DENND5A: variants seen among roughly 807,000 people sequenced by gnomAD.
DENND5A encodes DENN domain containing 5A.
A neutral mutation model predicts 140.3 loss-of-function variants in DENND5A; 64 were observed. The observed-to-expected ratio is 0.46, with a 90% CI of 0.37 to 0.56. The LOEUF is 0.56. Among genes scored for constraint, DENND5A ranks in the 20% least tolerant of loss-of-function variants. The pLI is 0.00. For missense variants in DENND5A, 1,292 were observed against 1,593.8 expected (o/e 0.81, Z 3.22); for synonymous variants, 605 against 607.7 (o/e 1.00, Z 0.07).
chr11:9,242,219 C>A (rs939559644), intron 1 of DENND5A, among the ~76,000 whole-genome samples: 2 of 152,044 alleles, frequency 1.3e-5, no homozygotes, highest in Non-Finnish European at 2.9e-5. Flanking sequence ...ATTGATGTGT[C>A]TTAAGAACCT....
chr11:9,148,978 AG>A (rs1417645946), intron 15 of DENND5A, among the ~76,000 whole-genome samples: 1 of 152,252 alleles, frequency 6.6e-6, no homozygotes, highest in African/African-American at 2.4e-5. Context: ...CTGTGCAAAG[AG>A]TAAGCGGAGA....
At chr11:9,221,006 C>A (rs1850290987) in intron 1 of DENND5A, among the ~76,000 whole-genome samples, 1 of 150,738 alleles carries the variant, frequency 6.6e-6, no homozygotes, top group Non-Finnish European at 1.5e-5. Context: ...TGCTTGAGCC[C>A]AGGAGGCAGA....
intron 1 of DENND5A, among the ~76,000 whole-genome samples, chr11:9,223,979 G>T (rs1050674815): frequency 5.3e-5 from 8 of 151,784 alleles, no homozygotes; most frequent in African/African-American, 1.5e-4. Flanking sequence ...ATCACCTGAG[G>T]TCAGGAGTTC....
At position 9,203,909 on chromosome 11, in the gene DENND5A, G is replaced by T; in HGVS notation, c.700C>A (p.Gln234Lys). The change falls in exon 4 of 23, where the codon CAG becomes AAG. Residue 234 changes from glutamine to lysine, a missense_variant. Physicochemically the swap from Gln to Lys is moderately conservative, Grantham distance 53 (BLOSUM62 1). This residue lies in a region of DENND5A where 566 missense variants were observed against 650.4 expected (regional missense o/e 0.87). Transcript: ENST00000328194. ...CTCTCAAGGGGCAGTGGAGGGGGCTGAGGTGAAGTGACTGCCTGGTGGAGT... is the reference window on the plus strand; with the variant it reads ...CTCTCAAGGGGCAGTGGAGGGGGCTTAGGTGAAGTGACTGCCTGGTGGAGT... Reference protein sequence around the residue: ...EQLHQAVTSPQPPPLPLESYI... With the variant: ...EQLHQAVTSPKPPPLPLESYI... 1 of 1,614,166 alleles carries T rather than the reference G, an allele frequency of 6.2e-7. No individual in the cohort carries two copies. The highest frequency in any genetic ancestry group is 2.2e-5 in the East Asian group (1 of 44,886).
intron 1 of DENND5A, among the ~76,000 whole-genome samples, chr11:9,241,337 T>C (rs777974414): frequency 5.9e-5 from 9 of 152,124 alleles, no homozygotes; most frequent in Non-Finnish European, 1.2e-4. Context: ...TCCCCAGAGT[T>C]TATGATTCAG....
Position 9,225,165 on chromosome 11 carries a change from C to A in DENND5A, c.110-17533G>T, listed in dbSNP as rs577550025. On this transcript the variant is annotated intron_variant, in intron 1 of 22. Transcript: ENST00000328194. ...AACTAAAAATCACAATTTTTGGCAA[C>A]TAAATCACGCTTTTGCCATAAATCA... Among the ~76,000 whole-genome samples, 13 of 152,306 alleles carry A rather than the reference C, an allele frequency of 8.5e-5. No homozygotes were observed. The East Asian group carries it at 2.3e-3, about 27-fold the overall frequency.
chr11:9,141,354 A>G (rs1400742217), intron 22 of DENND5A, among the ~76,000 whole-genome samples: 1 of 152,220 alleles, frequency 6.6e-6, no homozygotes, highest in Non-Finnish European at 1.5e-5. Context: ...ATCACCACAC[A>G]CATAAGTCAC....
intron 1 of DENND5A, among the ~76,000 whole-genome samples, chr11:9,262,612 C>T (rs1409314605): frequency 6.6e-6 from 1 of 151,914 alleles, no homozygotes; most frequent in Admixed American, 6.6e-5. Flanking sequence ...TACCCTGAAC[C>T]GAATTCCAAA....
chr11:9,218,458 C>T (rs550517507), intron 1 of DENND5A, among the ~76,000 whole-genome samples: 6 of 152,188 alleles, frequency 3.9e-5, no homozygotes, highest in East Asian at 1.9e-4. Context: ...CATGCTTAGG[C>T]GGGATGCAGT....
At chr11:9,200,382 CAG>C (rs1228004729) in intron 4 of DENND5A, among the ~76,000 whole-genome samples, 5 of 152,172 alleles carry the variant, frequency 3.3e-5, no homozygotes, top group African/African-American at 1.2e-4. Flanking sequence ...ATATTTCACC[CAG>C]AGAGAGGAGG....
chr11:9,253,291 TAGGA>T (rs1281158302), intron 1 of DENND5A, among the ~76,000 whole-genome samples: 7 of 152,080 alleles, frequency 4.6e-5, no homozygotes, highest in Non-Finnish European at 1.0e-4. Context: ...ATTTTTAACC[TAGGA>T]AGGAAGGAAG....
chr11:9,145,203 C>A, intron 17 of DENND5A, 90 bp from the exon 18 acceptor site: 1 of 909,654 alleles, frequency 1.1e-6, no homozygotes. Flanking sequence ...TGGCTGCCTG[C>A]AACCTGACCC....
intron 5 of DENND5A, among the ~76,000 whole-genome samples, chr11:9,192,438 C>T (rs1215110681): frequency 1.3e-5 from 2 of 151,960 alleles, no homozygotes; most frequent in African/African-American, 4.8e-5. Flanking sequence ...ACCAGCCTGG[C>T]CAACATAGTG....
At chr11:9,181,220 T>C (rs989230274) in intron 5 of DENND5A, 136 bp from the exon 6 acceptor site, 6 of 715,410 alleles carry the variant, frequency 8.4e-6, no homozygotes, top group Non-Finnish European at 9.2e-6. Flanking sequence ...ATAAGGAAGA[T>C]AGGGCTCAGA....
At chr11:9,144,316 C>G in intron 18 of DENND5A, 38 bp from the exon 19 acceptor site, 3 of 1,602,460 alleles carry the variant, frequency 1.9e-6, no homozygotes, top group Non-Finnish European at 2.6e-6. Flanking sequence ...GCAGCCAGCT[C>G]CTCCCTGCTG....
intron 11 of DENND5A, among the ~76,000 whole-genome samples, chr11:9,163,862 G>A (rs1262413870): frequency 6.7e-6 from 1 of 148,666 alleles, no homozygotes; most frequent in Non-Finnish European, 1.5e-5. Flanking sequence ...ATGCAGAAAT[G>A]CAGCATCACC....
intron 12 of DENND5A, 86 bp downstream of exon 12, chr11:9,160,627 C>G: frequency 7.7e-7 from 1 of 1,295,858 alleles, no homozygotes; most frequent in Non-Finnish European, 1.1e-6. Context: ...CAAAGCCAGT[C>G]AGCTGGACAA....
At chr11:9,155,147 T>TAA (rs761802009) in intron 12 of DENND5A, among the ~76,000 whole-genome samples, 2 of 142,426 alleles carry the variant, frequency 1.4e-5, no homozygotes, top group Non-Finnish European at 3.1e-5. Flanking sequence ...AGACTCCATT[T>TAA]AAAAAAAAAA....
At chr11:9,179,217 T>A in intron 6 of DENND5A, 144 bp from the exon 7 acceptor site, 2 of 680,950 alleles carry the variant, frequency 2.9e-6, no homozygotes, top group Non-Finnish European at 4.8e-6. Flanking sequence ...GAGGAAAAAC[T>A]GGAAAAAATA....
Sources: allele counts gnomAD v4.1 joint callset (sites outside exome capture counted in the v4.1 genomes callset), GRCh38; gene constraint gnomAD v4.1.1; regional missense constraint gnomAD v4.1.1; transcripts MANE v1.5; gene names NCBI Gene and HGNC (gene_info 2026-07-23, HGNC 2026-07-21).